Variants in CADM2 observed in about 807,000 individuals in gnomAD.
CADM2 encodes the protein immunoglobulin superfamily member 4D.
In CADM2, 12 loss-of-function variants were observed where a neutral mutation model predicts 49.8. The ratio of observed to expected loss-of-function variants is 0.24; its 90% CI spans 0.15 to 0.39. The LOEUF is 0.39. CADM2 is among the 10% of genes least tolerant of loss of function. CADM2 has a pLI of 1.00. For missense variants in CADM2, 378 were observed against 492.3 expected (o/e 0.77, Z 2.20); for synonymous variants, 214 against 175.4 (o/e 1.22, Z -1.74).
chr3:85,492,048 T>C (rs2039698707), intron 1 of CADM2, among the ~76,000 whole-genome samples: 1 of 152,144 alleles, frequency 6.6e-6, no homozygotes, highest in Non-Finnish European at 1.5e-5. Flanking sequence ...TTCATCATAG[T>C]TCAACATTTA....
chr3:85,462,172 G>A (rs1242903531), intron 1 of CADM2, among the ~76,000 whole-genome samples: 4 of 152,090 alleles, frequency 2.6e-5, no homozygotes, highest in Non-Finnish European at 4.4e-5. Flanking sequence ...CTACCCAGGA[G>A]GGTATGCCCT....
At chr3:85,484,106 G>C (rs193153658) in intron 1 of CADM2, among the ~76,000 whole-genome samples, 3 of 151,916 alleles carry the variant, frequency 2.0e-5, no homozygotes, top group Non-Finnish European at 4.4e-5. Context: ...TGTATATAAA[G>C]TATAGCTTTT....
chr3:85,579,811 C>A (rs1014409024), intron 1 of CADM2, among the ~76,000 whole-genome samples: 1 of 151,854 alleles, frequency 6.6e-6, no homozygotes, highest in Non-Finnish European at 1.5e-5. Context: ...TATATAGATT[C>A]ATATAAATAT....
chr3:85,205,962 A>T (rs1342188613), intron 1 of CADM2, among the ~76,000 whole-genome samples: 3 of 152,190 alleles, frequency 2.0e-5, no homozygotes, highest in Non-Finnish European at 4.4e-5. Context: ...CAAACAAATG[A>T]ACATTAAGCA....
chr3:86,043,786 C>T (rs923847104), intron 8 of CADM2, among the ~76,000 whole-genome samples: 3 of 152,240 alleles, frequency 2.0e-5, no homozygotes, highest in East Asian at 1.9e-4. Flanking sequence ...AAGCTGGAGG[C>T]ATCATGCTAC....
rs1576641080 is a variant in CADM2, at chr3:85,487,573, G to C, written c.62-238949G>C. ...AGGAGGAGGAGGAGGAATAGGAGGA[G>C]GAGGAAGTGGAGGAGGAGAAGGAGG... On this transcript the variant is annotated intron_variant, in intron 1 of 9. Coordinates refer to ENST00000383699, the MANE Select transcript of CADM2 (RefSeq NM_001167675.2). Among the ~76,000 whole-genome samples, 2 of 150,304 alleles carry C rather than the reference G, an allele frequency of 1.3e-5. 1 individual carries two copies. Among genetic ancestry groups the C allele is most frequent in the Admixed American group, 1.3e-4 (2 of 15,076 alleles).
intron 2 of CADM2, among the ~76,000 whole-genome samples, chr3:85,746,586 T>C (rs1331876719): frequency 1.3e-5 from 2 of 152,114 alleles, no homozygotes; most frequent in African/African-American, 4.8e-5. Context: ...TCCTCATATC[T>C]TTCATCCCTG....
intron 5 of CADM2, among the ~76,000 whole-genome samples, chr3:85,899,001 T>A (rs1347422578): frequency 4.7e-5 from 6 of 128,324 alleles, no homozygotes; most frequent in Non-Finnish European, 9.5e-5. Context: ...AGTCTCACTC[T>A]GTCTCCCAGG....
chr3:85,190,459 C>T (rs1340054192), intron 1 of CADM2, among the ~76,000 whole-genome samples: 1 of 151,958 alleles, frequency 6.6e-6, no homozygotes, highest in Non-Finnish European at 1.5e-5. Context: ...GAAATTGGTA[C>T]TCTTGGCCAT....
intron 1 of CADM2, among the ~76,000 whole-genome samples, chr3:85,684,346 T>C (rs1402455874): frequency 6.6e-6 from 1 of 152,078 alleles, no homozygotes; most frequent in Non-Finnish European, 1.5e-5. Flanking sequence ...AAGAAGAAGA[T>C]TTGTTTGCAC....
rs2108562920 is a variant in CADM2 at position 85,943,735 on chromosome 3, A to G, written c.791+7878A>G. Among the ~76,000 whole-genome samples, 4 of 152,056 alleles carry G rather than the reference A, an allele frequency of 2.6e-5. No individual in the cohort carries two copies. The East Asian group carries it at 7.8e-4, about 30-fold the overall frequency. ...AATGGAACCAAACAGAGCCCTCAGA[A>G]ATAACGCCGCATATCTACAACTATC... is the stretch of plus-strand genomic sequence containing the variant. On this transcript the variant is annotated intron_variant, in intron 7 of 9. Coordinates refer to ENST00000383699, the MANE Select transcript of CADM2 (RefSeq NM_001167675.2).
In CADM2 at chr3:85,028,252, C is replaced by T. The variant is rs548657999; in HGVS notation, c.61+68584C>T. ...ATATTTTAGAGGCAGGATTTAAATTCGATGTGATAGAATGTCAGTAGCTTT... is the reference window on the plus strand; with the variant it reads ...ATATTTTAGAGGCAGGATTTAAATTTGATGTGATAGAATGTCAGTAGCTTT... On this transcript the variant is annotated intron_variant, in intron 1 of 9. Transcript: ENST00000383699. 4.9e-3 allele frequency among the ~76,000 whole-genome samples: 746 copies of T among 152,170 alleles called. 6 individuals are homozygous for T. Among genetic ancestry groups the T allele is most frequent in the African/African-American group, 0.017 (715 of 41,546 alleles).
chr3:85,944,218 C>A (rs530523801), intron 7 of CADM2, among the ~76,000 whole-genome samples: 1 of 152,036 alleles, frequency 6.6e-6, no homozygotes, highest in African/African-American at 2.4e-5. Context: ...ACAACAAGAG[C>A]GAACTATCCT....
At chr3:85,081,793 A>C (rs1172690135) in intron 1 of CADM2, among the ~76,000 whole-genome samples, 1 of 152,180 alleles carries the variant, frequency 6.6e-6, no homozygotes, top group African/African-American at 2.4e-5. Context: ...ACAAAAGAGT[A>C]AATACCATTG....
intron 2 of CADM2, among the ~76,000 whole-genome samples, chr3:85,792,178 A>G (rs2071376454): frequency 6.6e-6 from 1 of 152,208 alleles, no homozygotes; most frequent in South Asian, 2.1e-4. Context: ...TATTTTAAAA[A>G]CAACCAAAAC....
At chr3:85,577,601 G>A (rs2062671842) in intron 1 of CADM2, among the ~76,000 whole-genome samples, 1 of 151,712 alleles carries the variant, frequency 6.6e-6, no homozygotes, top group South Asian at 2.1e-4. Flanking sequence ...CCAAGACAAA[G>A]GACATTTTTT....
At chr3:85,736,836 G>C (rs530595849) in intron 2 of CADM2, among the ~76,000 whole-genome samples, 1 of 152,048 alleles carries the variant, frequency 6.6e-6, no homozygotes, top group African/African-American at 2.4e-5. Flanking sequence ...AAAGAGAAAA[G>C]GTGAATTGCC....
At chr3:85,370,628 T>C (rs1442337188) in intron 1 of CADM2, among the ~76,000 whole-genome samples, 2 of 152,164 alleles carry the variant, frequency 1.3e-5, no homozygotes, top group South Asian at 2.1e-4. Flanking sequence ...TTGGTGATGA[T>C]AGTAAACAAC....
At chr3:85,678,563 G>A (rs767381926) in intron 1 of CADM2, among the ~76,000 whole-genome samples, 10 of 152,110 alleles carry the variant, frequency 6.6e-5, no homozygotes, top group Non-Finnish European at 1.5e-4. Context: ...TAACTCATCT[G>A]TTTAAGAATC....
Sources: allele counts gnomAD v4.1 joint callset (sites outside exome capture counted in the v4.1 genomes callset), GRCh38; gene constraint gnomAD v4.1.1; transcripts MANE v1.5; gene names NCBI Gene and HGNC (gene_info 2026-07-23, HGNC 2026-07-21).